GLT6D1: variants seen among roughly 807,000 people sequenced by gnomAD.
GLT6D1 encodes the protein glycosyltransferase 6 domain containing 1.
GLT6D1 carries 9 observed loss-of-function variants against 12.3 expected under a neutral mutation model. The observed-to-expected ratio is 0.73, with a 90% CI of 0.44 to 1.27. The LOEUF is 1.27. Ranked by LOEUF, GLT6D1 falls within the 50% of genes most tolerant of loss-of-function variation. The pLI, the probability that GLT6D1 is intolerant of heterozygous loss-of-function variation, is 0.00. For missense variants in GLT6D1, 335 were observed against 346.2 expected, an observed-to-expected ratio of 0.97 and a Z score of 0.26; for synonymous variants, 128 against 132.3, an observed-to-expected ratio of 0.97 and a Z score of 0.23.
In GLT6D1 at chr9:135,630,459, A is replaced by AACAT. The variant is rs1165346561; in HGVS notation, c.119+968_119+971dup. On this transcript the variant is annotated intron_variant, in intron 3 of 4. Coordinates refer to ENST00000371763, the MANE Select transcript of GLT6D1 (RefSeq NM_182974.3). ...AAAGATGAAATATGAATGAATAGTA[A>AACAT]ACATATAAAAAGATACTCGGGAGGC... is the stretch of plus-strand genomic sequence containing the variant. Among the ~76,000 whole-genome samples, 4 of 151,940 alleles carry AACAT rather than the reference A, an allele frequency of 2.6e-5. No homozygotes were observed. In the East Asian group the frequency reaches 7.7e-4, roughly 29 times the overall value.
chr9:135,624,397 G>T lies in GLT6D1; in HGVS notation c.531C>A (p.Val177=). Residue 177 remains valine, a synonymous_variant, in exon 5 of 5, where the codon GTC becomes GTA. Coordinates refer to ENST00000371763, the MANE Select transcript of GLT6D1 (RefSeq NM_182974.3). ...TCTCCACCCCGAACTCATTCTGGAAGACCTGGTTGGCAGCCATGCTGAAGA... is the reference window on the plus strand; with the variant it reads ...TCTCCACCCCGAACTCATTCTGGAATACCTGGTTGGCAGCCATGCTGAAGA... ...DFLFSMAANQ[V]FQNEFGVETL... The T allele has an allele frequency of 6.2e-7, 1 of 1,614,172 alleles. No individual in the cohort carries two copies. The highest frequency in any genetic ancestry group is 2.2e-5 in the East Asian group (1 of 44,886).
intron 3 of GLT6D1, among the ~76,000 whole-genome samples, chr9:135,630,050 T>A (rs1811669134): frequency 6.6e-6 from 1 of 152,216 alleles, no homozygotes; most frequent in South Asian, 2.1e-4. Flanking sequence ...CTGCCTTTTT[T>A]AATTGGAGAG....
intron 2 of GLT6D1, 151 bp from the exon 3 acceptor site, chr9:135,631,629 G>A (rs1588202936): frequency 1.5e-6 from 1 of 675,720 alleles, no homozygotes; most frequent in Non-Finnish European, 2.7e-6. Context: ...TATCTCAGCT[G>A]GGTGGGGAAG....
At position 135,638,397 on chromosome 9, in the gene GLT6D1, A is replaced by G. The variant is rs190239495; in HGVS notation, c.71+720T>C. Among the ~76,000 whole-genome samples the G allele has an allele frequency of 1.9e-3, 295 of 152,346 alleles. 3 individuals are homozygous for G. The highest frequency in any genetic ancestry group is 4.0e-4 in the Non-Finnish European group (27 of 68,030). On this transcript the variant is annotated intron_variant, in intron 2 of 4. Transcript: ENST00000371763. Reference sequence around the variant, plus strand: ...CTCTAGTACACATGCTTCTATATGCATAGAATTAGGTTGACTTTAGTCTTG... The same window carrying G: ...CTCTAGTACACATGCTTCTATATGCGTAGAATTAGGTTGACTTTAGTCTTG...
chr9:135,627,902 C>A (rs1833555877), intron 3 of GLT6D1, among the ~76,000 whole-genome samples: 1 of 152,120 alleles, frequency 6.6e-6, no homozygotes, highest in South Asian at 2.1e-4. Context: ...AGTGCTATCT[C>A]ATTGTGACCT....
chr9:135,639,184 T>A lies in GLT6D1; in HGVS notation c.4A>T (p.Asn2Tyr). The part of the protein sequence containing the change: M[N>Y]SKRMLLLVLF... ...ACCAATAACAGCATTCTTTTAGAAT[T>A]CATTCTCTCCTAGGGAAAGAAGGAG... The change falls in exon 2 of 5, where the codon AAT becomes TAT. Residue 2 changes from asparagine (N) to tyrosine (Y), a missense_variant. Physicochemically the swap from Asn to Tyr is moderately radical, Grantham distance 143 (BLOSUM62 -2). Transcript: ENST00000371763. The A allele has an allele frequency of 6.4e-7, 1 of 1,563,994 alleles. No homozygotes were observed. Among genetic ancestry groups the A allele is most frequent in the Non-Finnish European group, 8.8e-7 (1 of 1,136,456 alleles).
At chr9:135,626,602 A>G (rs902194616) in intron 3 of GLT6D1, among the ~76,000 whole-genome samples, 1 of 152,184 alleles carries the variant, frequency 6.6e-6, no homozygotes, top group Non-Finnish European at 1.5e-5. Flanking sequence ...TCATTCGCTG[A>G]AGCCAGGATG....
chr9:135,633,021 G>A (rs960540519), intron 2 of GLT6D1, among the ~76,000 whole-genome samples: 2 of 151,976 alleles, frequency 1.3e-5, no homozygotes, highest in African/African-American at 2.4e-5. Context: ...CCACACACAC[G>A]TGCACGCACA....
chr9:135,626,256 G>A (rs764683778), intron 3 of GLT6D1, 50 bp from the exon 4 acceptor site: 3 of 1,600,692 alleles, frequency 1.9e-6, no homozygotes, highest in Non-Finnish European at 2.6e-6. Context: ...TGAGGCGCCG[G>A]CAGCAGGTGC....
In GLT6D1 at chr9:135,626,114, C is replaced by T; in HGVS notation, c.212G>A (p.Arg71Lys). 2 of 1,614,040 alleles carry T rather than the reference C, an allele frequency of 1.2e-6. No homozygotes were observed. The highest frequency in any genetic ancestry group is 1.7e-6 in the Non-Finnish European group (2 of 1,180,026). The change falls in exon 4 of 5, where the codon AGA (arginine) becomes AAA (lysine). Residue 71 changes from arginine to lysine, a missense_variant. Coordinates refer to ENST00000371763, the MANE Select transcript of GLT6D1 (RefSeq NM_182974.3). ...FDRRVLEKHY[R>K]RRNITVGLAV... ...CAGGCCCACAGTGATATTCCGCCTT[C>T]TGTAATGTTTTTCCAGGACCCGCCT...
upstream of GLT6D1, among the ~76,000 whole-genome samples, chr9:135,640,909 A>G (rs557402950): frequency 6.8e-4 from 104 of 152,254 alleles, 1 homozygote; most frequent in Non-Finnish European, 1.4e-3. Context: ...GGGGTAAGAC[A>G]GGCCCATCTA....
Position 135,624,377 on chromosome 9 carries a change from A to G in GLT6D1, c.551T>C (p.Val184Ala), listed in dbSNP as rs781780666. The G allele has an allele frequency of 2.5e-6, 4 of 1,613,924 alleles. No individual in the cohort carries two copies. Among genetic ancestry groups the G allele is most frequent in the Non-Finnish European group, 8.5e-7 (1 of 1,179,992 alleles). ...GGCCACCAACGGGCCCAGGGTCTCC[A>G]CCCCGAACTCATTCTGGAAGACCTG... ...ANQVFQNEFG[V>A]ETLGPLVAQL... The change falls in exon 5 of 5, where the codon GTG (valine) becomes GCG (alanine). Residue 184 changes from valine to alanine, a missense_variant. Val to Ala is a moderately conservative substitution (Grantham distance 64). Transcript: ENST00000371763.
intron 3 of GLT6D1, 26 bp downstream of exon 3, chr9:135,631,399 GTGTGCA>G: frequency 6.5e-7 from 1 of 1,534,152 alleles, no homozygotes; most frequent in Non-Finnish European, 9.0e-7. Context: ...TATTGTTTGT[GTGTGCA>G]TGTAAACAGG....
chr9:135,639,040 A>C (rs1363520776), intron 2 of GLT6D1, 77 bp downstream of exon 2: 4 of 805,552 alleles, frequency 5.0e-6, no homozygotes, highest in Non-Finnish European at 7.9e-6. Flanking sequence ...TCAAAAATTA[A>C]ATTAATTAAT....
rs367832463 is a variant in GLT6D1 at position 135,626,185 on chromosome 9, C to A, written c.141G>T (p.Thr47=). Residue 47 remains threonine (T), a synonymous_variant, in exon 4 of 5, where the codon ACG becomes ACT. Coordinates refer to ENST00000371763, the MANE Select transcript of GLT6D1 (RefSeq NM_182974.3). ...FHPRKRPDVI[T]KTDWLAPVLW... ...GGACAGGAGCGAGCCAGTCTGTTTT[C>A]GTTATAACATCAGGGCGTTTTCTGT... The A allele has an allele frequency of 1.5e-5, 24 of 1,613,882 alleles. No individual in the cohort carries two copies. In the African/African-American group the frequency reaches 2.8e-4, roughly 19 times the overall value.
intron 4 of GLT6D1, among the ~76,000 whole-genome samples, chr9:135,625,786 G>A (rs898016728): frequency 6.6e-6 from 1 of 152,236 alleles, no homozygotes; most frequent in African/African-American, 2.4e-5. Context: ...GGAGGGACCT[G>A]TGCACTAGGG....
chr9:135,626,264 T>G, intron 3 of GLT6D1, 58 bp from the exon 4 acceptor site: 1 of 1,591,434 alleles, frequency 6.3e-7, no homozygotes, highest in Non-Finnish European at 8.6e-7. Flanking sequence ...CGGCAGCAGG[T>G]GCCGAGCAGT....
At chr9:135,630,748 A>G (rs112736971) in intron 3 of GLT6D1, among the ~76,000 whole-genome samples, 1 of 152,130 alleles carries the variant, frequency 6.6e-6, no homozygotes, top group Non-Finnish European at 1.5e-5. Context: ...ATACTTAAAC[A>G]ATTACAGACA....
chr9:135,624,558 T>C lies in GLT6D1; in HGVS notation c.370A>G (p.Ile124Val), dbSNP rs1306931268. The C allele has an allele frequency of 1.2e-6, 2 of 1,613,784 alleles. No homozygotes were observed. The highest frequency in any genetic ancestry group is 2.7e-5 in the African/African-American group (2 of 74,904). Reference sequence around the variant, plus strand: ...AACGTTCGAAGAGGACTGGGCTCTATGTCAGGCAGCTTGAAGAAGGCGTCC... The same window carrying C: ...AACGTTCGAAGAGGACTGGGCTCTACGTCAGGCAGCTTGAAGAAGGCGTCC... ...MVDAFFKLPD[I>V]EPSPLRTFKA... The change falls in exon 5 of 5, where the codon ATA becomes GTA. Residue 124 changes from isoleucine (I) to valine (V), a missense_variant. By Grantham distance (29) the Ile-to-Val change is conservative. Coordinates refer to ENST00000371763, the MANE Select transcript of GLT6D1 (RefSeq NM_182974.3).
Sources: allele counts gnomAD v4.1 joint callset (sites outside exome capture counted in the v4.1 genomes callset), GRCh38; gene constraint gnomAD v4.1.1; transcripts MANE v1.5; gene names NCBI Gene and HGNC (gene_info 2026-07-23, HGNC 2026-07-21).